Variants in SLC7A7 observed in about 807,000 individuals in gnomAD.
SLC7A7 encodes solute carrier family 7 member 7, also known as Y+L amino acid transporter 1.
SLC7A7 carries 39 observed loss-of-function variants against 47.9 expected under a neutral mutation model. The observed-to-expected ratio is 0.81, with a 90% CI of 0.63 to 1.06. SLC7A7 has a LOEUF of 1.06. Ranked by LOEUF, SLC7A7 falls within the 50% of genes least tolerant of loss-of-function variation. SLC7A7 has a pLI of 0.00. For missense variants in SLC7A7, 588 were observed against 632.0 expected, an observed-to-expected ratio of 0.93 and a Z score of 0.75; for synonymous variants, 234 against 242.8, an observed-to-expected ratio of 0.96 and a Z score of 0.34.
chr14:22,810,509 C>T (rs12894685), intron 2 of SLC7A7, among the ~76,000 whole-genome samples: 78,934 of 148,516 alleles, frequency 0.53, 21,443 homozygotes, highest in East Asian at 0.8. Context: ...AGGAATGCAG[C>T]CATCTTAGAA....
At chr14:22,788,499 T>TC (rs2038860549) in intron 2 of SLC7A7, among the ~76,000 whole-genome samples, 1 of 151,794 alleles carries the variant, frequency 6.6e-6, no homozygotes. Context: ...AGTCAGGAGT[T>TC]TGAGATCAGC....
intron 4 of SLC7A7, 86 bp from the exon 5 acceptor site, chr14:22,776,404 C>G: frequency 6.4e-7 from 1 of 1,561,544 alleles, no homozygotes; most frequent in Non-Finnish European, 8.8e-7. Flanking sequence ...CCTGCCACAC[C>G]GGTCTTTCCA....
intron 2 of SLC7A7, among the ~76,000 whole-genome samples, chr14:22,784,841 G>T (rs998260580): frequency 2.0e-5 from 3 of 152,102 alleles, no homozygotes; most frequent in African/African-American, 7.2e-5. Flanking sequence ...GTTTAGTTTA[G>T]ACACCTAAAT....
At chr14:22,775,327 C>T in intron 7 of SLC7A7, 117 bp downstream of exon 7, 5 of 886,102 alleles carry the variant, frequency 5.6e-6, no homozygotes, top group South Asian at 5.3e-5. Flanking sequence ...TCTGATCCAC[C>T]AATAGTTTTT....
chr14:22,782,298 T>C (rs935889837), intron 2 of SLC7A7, among the ~76,000 whole-genome samples: 1 of 151,592 alleles, frequency 6.6e-6, no homozygotes, highest in Non-Finnish European at 1.5e-5. Context: ...AGATGAGGTT[T>C]CACCATGTTG....
intron 2 of SLC7A7, among the ~76,000 whole-genome samples, chr14:22,787,714 C>A (rs914110927): frequency 4.6e-5 from 7 of 152,020 alleles, no homozygotes; most frequent in African/African-American, 1.7e-4. Flanking sequence ...CAAGATTGTG[C>A]CACTGCACTC....
At chr14:22,819,362 TTC>T (rs951220003), upstream of SLC7A7, among the ~76,000 whole-genome samples, 13 of 151,410 alleles carry the variant, frequency 8.6e-5, no homozygotes, top group African/African-American at 2.7e-4. Context: ...CCCTCCCCAG[TTC>T]TCTGTTTGTT....
At chr14:22,775,771 T>C in intron 6 of SLC7A7, 62 bp downstream of exon 6, 1 of 1,224,914 alleles carries the variant, frequency 8.2e-7, no homozygotes. Context: ...CTGGGTCCTG[T>C]AAGTTCTGTC....
chr14:22,783,085 C>T (rs1188483759), intron 2 of SLC7A7, among the ~76,000 whole-genome samples: 1 of 151,806 alleles, frequency 6.6e-6, no homozygotes, highest in Non-Finnish European at 1.5e-5. Flanking sequence ...AAGTGCCCAC[C>T]ACCACACCTG....
At position 22,813,520 on chromosome 14, in the gene SLC7A7, A is replaced by C. The variant is rs138366108; in HGVS notation, c.-42-80T>G. Reference sequence around the variant, plus strand: ...CTCTACCCGCCTCCAACACAGGGTAATACGGGCAGCTCACCAACCAATGCG... The same window carrying C: ...CTCTACCCGCCTCCAACACAGGGTACTACGGGCAGCTCACCAACCAATGCG... On this transcript the variant is annotated intron_variant, in intron 1 of 9. Transcript: ENST00000674313. 804 of 1,275,610 alleles carry C rather than the reference A, an allele frequency of 6.3e-4. No homozygotes were observed. The East Asian group carries it at 8.9e-3, about 14-fold the overall frequency. The allele number at this position is 1,275,610 out of a possible 1,614,324, so 79.0% of individuals were successfully genotyped here. A position where few individuals can be genotyped will look rare whatever the true frequency, so the allele number is the denominator to read the frequency against.
At chr14:22,807,302 G>A (rs1594978705) in intron 2 of SLC7A7, among the ~76,000 whole-genome samples, 1 of 152,158 alleles carries the variant, frequency 6.6e-6, no homozygotes, top group Non-Finnish European at 1.5e-5. Context: ...CCCTAAACCA[G>A]TCTCCCCACC....
chr14:22,798,249 A>C (rs1452656145), intron 2 of SLC7A7, among the ~76,000 whole-genome samples: 1 of 152,118 alleles, frequency 6.6e-6, no homozygotes. Context: ...GTAAACTGAG[A>C]TTACGCCACT....
At position 22,788,940 on chromosome 14, in the gene SLC7A7, A is replaced by G. The variant is rs182813800; in HGVS notation, c.500-8889T>C. Among the ~76,000 whole-genome samples the G allele has an allele frequency of 1.8e-4, 28 of 152,270 alleles. 2 individuals carry two copies. Among genetic ancestry groups the G allele is most frequent in the East Asian group, 1.7e-3 (9 of 5,190 alleles). Reference sequence around the variant, plus strand: ...AAGGGCTCAAGGGTGCTAGTTACACATGTGCTCAACTAGTGACAATTCATT... The same window carrying G: ...AAGGGCTCAAGGGTGCTAGTTACACGTGTGCTCAACTAGTGACAATTCATT... On this transcript the variant is annotated intron_variant, in intron 2 of 9. Transcript: ENST00000674313.
At chr14:22,812,213 C>A (rs1335641693) in intron 2 of SLC7A7, among the ~76,000 whole-genome samples, 2 of 151,888 alleles carry the variant, frequency 1.3e-5, no homozygotes, top group African/African-American at 4.8e-5. Flanking sequence ...GTTGCCCAGG[C>A]TGGAGTGCAG....
intron 2 of SLC7A7, among the ~76,000 whole-genome samples, chr14:22,789,645 A>G (rs1594959238): frequency 6.7e-6 from 1 of 149,506 alleles, no homozygotes; most frequent in East Asian, 2.0e-4. Flanking sequence ...AAAAAAAAAA[A>G]GAAAAAAGTT....
chr14:22,801,864 A>G (rs887450609), intron 2 of SLC7A7, among the ~76,000 whole-genome samples: 11 of 152,240 alleles, frequency 7.2e-5, no homozygotes, highest in African/African-American at 2.7e-4. Flanking sequence ...ACACCCACGC[A>G]CACACATAAA....
chr14:22,815,080 T>C (rs978272776), intron 1 of SLC7A7: 5 of 331,948 alleles, frequency 1.5e-5, no homozygotes, highest in African/African-American at 4.3e-5. Context: ...TACCCCAGAG[T>C]TGCTGCTGGA....
intron 2 of SLC7A7, among the ~76,000 whole-genome samples, chr14:22,795,247 ATTTTTTT>A (rs10574852): frequency 8.7e-6 from 1 of 114,872 alleles, no homozygotes; most frequent in East Asian, 2.6e-4. Flanking sequence ...TGCCCAATTA[ATTTTTTT>A]TTTTTTTTTT....
intron 4 of SLC7A7, 94 bp downstream of exon 4, chr14:22,778,699 C>A: frequency 7.2e-7 from 1 of 1,380,082 alleles, no homozygotes; most frequent in South Asian, 1.3e-5. Flanking sequence ...TAAAATTAAC[C>A]TCATAGTGGT....
Sources: allele counts gnomAD v4.1 joint callset (sites outside exome capture counted in the v4.1 genomes callset), GRCh38; gene constraint gnomAD v4.1.1; transcripts MANE v1.5; gene names NCBI Gene and HGNC (gene_info 2026-07-23, HGNC 2026-07-21).